Variants in ETV6 observed in about 807,000 individuals in gnomAD.
The protein encoded by ETV6 is ETS variant transcription factor 6, also known as transcription factor ETV6.
ETV6 carries 16 observed loss-of-function variants against 51.1 expected under a neutral mutation model. The ratio of observed to expected loss-of-function variants is 0.31; its 90% CI spans 0.21 to 0.48. The LOEUF (loss-of-function observed/expected upper bound fraction) is 0.48, where lower values mean the gene tolerates loss of function less well. Among genes scored for constraint, ETV6 ranks in the 20% least tolerant of loss-of-function variants. The probability of loss-of-function intolerance (pLI) is 0.99; values close to 1 mark genes in which losing one functional copy is unlikely to be tolerated. For synonymous variants in ETV6, 240 were observed against 224.1 expected, an observed-to-expected ratio of 1.07 and a Z score of -0.64; for missense variants, 458 against 594.8, an observed-to-expected ratio of 0.77 and a Z score of 2.39.
chr12:11,750,068 A>G (rs1865992807), intron 1 of ETV6, among the ~76,000 whole-genome samples: 1 of 152,186 alleles, frequency 6.6e-6, no homozygotes, highest in Admixed American at 6.5e-5. Flanking sequence ...TCATCATGAA[A>G]TAGCAGTTGT....
chr12:11,803,047 C>A (rs985613888), intron 2 of ETV6, among the ~76,000 whole-genome samples: 6 of 152,206 alleles, frequency 3.9e-5, no homozygotes, highest in Non-Finnish European at 7.3e-5. Flanking sequence ...CAAGTTTCTT[C>A]ATAGTTGTTT....
At chr12:11,784,328 A>C (rs1016603584) in intron 2 of ETV6, among the ~76,000 whole-genome samples, 1 of 152,118 alleles carries the variant, frequency 6.6e-6, no homozygotes, top group South Asian at 2.1e-4. Context: ...TCAGGAGGCT[A>C]AGGCAGGAGA....
At chr12:11,650,627 A>AT (rs1443659437) in intron 1 of ETV6, among the ~76,000 whole-genome samples, 2 of 149,680 alleles carry the variant, frequency 1.3e-5, no homozygotes, top group East Asian at 2.0e-4. Context: ...GAATCTTTTT[A>AT]TTTTTTTAAA....
chr12:11,885,781 G>T (rs904343243), intron 6 of ETV6, 145 bp from the exon 7 acceptor site: 1 of 604,548 alleles, frequency 1.7e-6, no homozygotes, highest in Non-Finnish European at 2.9e-6. Context: ...GAAGGCAGCC[G>T]ATTAGCAGGT....
intron 3 of ETV6, among the ~76,000 whole-genome samples, chr12:11,845,991 C>CAAAA (rs60730342): frequency 1.7e-5 from 2 of 118,026 alleles, no homozygotes; most frequent in Non-Finnish European, 3.6e-5. Flanking sequence ...GACTCCGTCT[C>CAAAA]AAAAAAAAAA....
intron 1 of ETV6, among the ~76,000 whole-genome samples, chr12:11,702,558 A>G (rs1184504752): frequency 2.6e-5 from 4 of 152,074 alleles, no homozygotes; most frequent in Non-Finnish European, 4.4e-5. Context: ...CAGGAGAAGT[A>G]TCCCCCCCAT....
chr12:11,878,893 G>A (rs1348780876), intron 5 of ETV6, among the ~76,000 whole-genome samples: 2 of 150,522 alleles, frequency 1.3e-5, no homozygotes, highest in African/African-American at 2.4e-5. Context: ...CTCTAAGCAG[G>A]GTTTCTCAAC....
intron 2 of ETV6, among the ~76,000 whole-genome samples, chr12:11,766,476 A>C (rs1362777443): frequency 3.3e-5 from 5 of 152,168 alleles, no homozygotes; most frequent in Non-Finnish European, 5.9e-5. Flanking sequence ...TGTATGCCGG[A>C]TTATATCCGT....
chr12:11,712,855 T>C (rs1865199326), intron 1 of ETV6, among the ~76,000 whole-genome samples: 1 of 152,214 alleles, frequency 6.6e-6, no homozygotes, highest in South Asian at 2.1e-4. Flanking sequence ...CGCAGGAGTT[T>C]GTGAGCATCA....
At chr12:11,813,609 C>T (rs1038315686) in intron 2 of ETV6, among the ~76,000 whole-genome samples, 19 of 137,436 alleles carry the variant, frequency 1.4e-4, no homozygotes, top group Admixed American at 9.3e-4. Context: ...CTCTTTCCTT[C>T]TCTTTTCCTC....
At chr12:11,787,575 G>A (rs1301171357) in intron 2 of ETV6, among the ~76,000 whole-genome samples, 4 of 152,066 alleles carry the variant, frequency 2.6e-5, no homozygotes, top group Admixed American at 1.3e-4. Context: ...GAGATTTCTG[G>A]GTGTGAAAAG....
chr12:11,676,122 C>G (rs1864417543), intron 1 of ETV6, among the ~76,000 whole-genome samples: 1 of 152,156 alleles, frequency 6.6e-6, no homozygotes, highest in Non-Finnish European at 1.5e-5. Flanking sequence ...TTGGAATGGG[C>G]CCTGCCTGGC....
At chr12:11,848,440 A>G (rs1946496946) in intron 3 of ETV6, among the ~76,000 whole-genome samples, 1 of 152,236 alleles carries the variant, frequency 6.6e-6, no homozygotes, top group Non-Finnish European at 1.5e-5. Context: ...CTTGGTCCTC[A>G]GACATTAGTA....
Position 11,835,550 on chromosome 12 carries a change from G to A in ETV6, c.164-3590G>A, listed in dbSNP as rs1157526721. On this transcript the variant is annotated intron_variant, in intron 2 of 7. Transcript: ENST00000396373. ...AAGACCAAGCACCCATGAGTGCCTG[G>A]GAGCAAGTAGCCTGTGAAGGGAGGA... Among the ~76,000 whole-genome samples, 5 of 152,186 alleles carry A rather than the reference G, an allele frequency of 3.3e-5. No homozygotes were observed. The East Asian group carries it at 9.6e-4, about 29-fold the overall frequency.
chr12:11,759,680 C>T (rs543496282), intron 2 of ETV6, among the ~76,000 whole-genome samples: 10 of 152,196 alleles, frequency 6.6e-5, no homozygotes, highest in Admixed American at 2.0e-4. Flanking sequence ...GATGGGTTTC[C>T]GCAGATTGAG....
At chr12:11,656,351 C>T (rs947930912) in intron 1 of ETV6, among the ~76,000 whole-genome samples, 2 of 152,070 alleles carry the variant, frequency 1.3e-5, no homozygotes, top group East Asian at 1.9e-4. Flanking sequence ...GCCATTTTTG[C>T]GAAGAAAATT....
chr12:11,794,702 CAG>C (rs1395295107), intron 2 of ETV6, among the ~76,000 whole-genome samples: 1 of 152,142 alleles, frequency 6.6e-6, no homozygotes, highest in Non-Finnish European at 1.5e-5. Flanking sequence ...CCAGTCATTT[CAG>C]ATTTGTGGGG....
chr12:11,863,287 G>T (rs1404146385), intron 4 of ETV6, among the ~76,000 whole-genome samples: 1 of 152,182 alleles, frequency 6.6e-6, no homozygotes, highest in Non-Finnish European at 1.5e-5. Context: ...GAAAGGATAA[G>T]AAATCAGACC....
At chr12:11,748,619 T>C (rs1039557144) in intron 1 of ETV6, among the ~76,000 whole-genome samples, 1 of 152,182 alleles carries the variant, frequency 6.6e-6, no homozygotes, top group African/African-American at 2.4e-5. Flanking sequence ...GGTAATAATA[T>C]TCATTTTTTG....
Sources: gnomAD v4.1 joint callset for allele counts (sites outside exome capture counted in the v4.1 genomes callset) on GRCh38, gnomAD v4.1.1 for gene constraint, MANE v1.5 for transcripts, NCBI Gene and HGNC (gene_info 2026-07-23, HGNC 2026-07-21) for gene names.